The following TAS2R1 variants were observed in gnomAD, a reference collection of about 807,000 sequenced individuals.
TAS2R1 encodes taste receptor type 2 member 1.
For missense variants in TAS2R1, 370 were observed against 353.4 expected (o/e 1.05, Z -0.38); for synonymous variants, 141 against 134.2 (o/e 1.05, Z -0.35).
chr5:9,840,923 G>C, the TAS2R1 span, among the ~76,000 whole-genome samples: 2 of 140,192 alleles, frequency 1.4e-5, no homozygotes, highest in Non-Finnish European at 1.5e-5. Flanking sequence ...TCACCCAGCT[G>C]GAGTGCAGTG....
chr5:9,740,441 G>A, the TAS2R1 span, among the ~76,000 whole-genome samples: 440 of 152,270 alleles, frequency 2.9e-3, 4 homozygotes, highest in Middle Eastern at 0.014. Flanking sequence ...TCAATGAAAT[G>A]AATAAAAGGC....
At chr5:9,870,972 T>C in the TAS2R1 span, among the ~76,000 whole-genome samples, 1 of 152,284 alleles carries the variant, frequency 6.6e-6, no homozygotes, top group Admixed American at 6.5e-5. Context: ...ACCAGAAGAA[T>C]ATAAGAGATT....
chr5:9,874,030 GAGAA>G, the TAS2R1 span, among the ~76,000 whole-genome samples: 13 of 151,326 alleles, frequency 8.6e-5, no homozygotes, highest in Middle Eastern at 3.4e-3. Flanking sequence ...GAGGGAGGAA[GAGAA>G]AGAAAGAAAG....
the TAS2R1 span, among the ~76,000 whole-genome samples, chr5:9,853,034 G>T: frequency 3.3e-5 from 5 of 152,284 alleles, no homozygotes; most frequent in East Asian, 9.6e-4. Context: ...GGAGAGCAGT[G>T]GGGAGGTAGG....
chr5:9,735,866 A>G, the TAS2R1 span, among the ~76,000 whole-genome samples: 1 of 152,234 alleles, frequency 6.6e-6, no homozygotes, highest in East Asian at 1.9e-4. Context: ...ATAGAAACCT[A>G]TAACAATCAT....
chr5:9,755,189 A>C, the TAS2R1 span, among the ~76,000 whole-genome samples: 1 of 152,190 alleles, frequency 6.6e-6, no homozygotes, highest in Non-Finnish European at 1.5e-5. Context: ...TTACCAGAAA[A>C]GAGTCCCGAT....
rs922470670 is a variant in TAS2R1, at chr5:9,627,571, C to T, written c.*1562G>A. On this transcript the variant is annotated 3_prime_UTR_variant, in exon 1 of 1. Transcript: ENST00000382492. ...GAAATTGCTCCCACTCTTTCAGGTA[C>T]ACGTATCACAGATTCAAGGAACAGA... Among the ~76,000 whole-genome samples the T allele has an allele frequency of 1.3e-5, 2 of 152,150 alleles. No homozygotes were observed. The highest frequency in any genetic ancestry group is 2.4e-5 in the African/African-American group (1 of 41,418).
chr5:9,661,724 T>C (rs2126495953), intron 1 of TAS2R1, among the ~76,000 whole-genome samples: 1 of 152,350 alleles, frequency 6.6e-6, no homozygotes, highest in African/African-American at 2.4e-5. Context: ...TCACATTCCT[T>C]ATCTAGCCTG....
the TAS2R1 span, among the ~76,000 whole-genome samples, chr5:9,840,285 T>C: frequency 4.6e-5 from 7 of 152,192 alleles, no homozygotes; most frequent in Non-Finnish European, 5.9e-5. Context: ...ACTTCTGGGA[T>C]TCACATTAAC....
chr5:9,777,973 C>T, the TAS2R1 span, among the ~76,000 whole-genome samples: 23 of 151,116 alleles, frequency 1.5e-4, no homozygotes, highest in African/African-American at 4.1e-4. Context: ...CTCCGCTTCC[C>T]GGGTTCACGC....
chr5:9,683,480 C>T (rs1741067103), intron 1 of TAS2R1, among the ~76,000 whole-genome samples: 1 of 152,154 alleles, frequency 6.6e-6, no homozygotes, highest in African/African-American at 2.4e-5. Context: ...AGTGGCTTTA[C>T]CCGTAAGCCT....
In TAS2R1 at chr5:9,629,167, T is replaced by C; in HGVS notation, c.866A>G (p.Lys289Arg). Residue 289 changes from lysine (K) to arginine (R), a missense_variant, in exon 1 of 1, where the codon AAA becomes AGA. Transcript: ENST00000382492. ...LGNPKLKQNAKKFLLHSKCCQ is the reference protein window; with the variant it reads ...LGNPKLKQNARKFLLHSKCCQ ...GCACTTACTGTGGAGGAGGAACTTT[T>C]TTGCATTTTGTTTCAATTTAGGATT... 6.3e-7 allele frequency: 1 copy of C among 1,584,098 alleles called. No individual in the cohort carries two copies. Among genetic ancestry groups the C allele is most frequent in the Non-Finnish European group, 8.6e-7 (1 of 1,167,322 alleles).
the TAS2R1 span, among the ~76,000 whole-genome samples, chr5:9,781,233 T>C: frequency 5.6e-4 from 85 of 152,342 alleles, no homozygotes; most frequent in Non-Finnish European, 1.2e-3. Flanking sequence ...TGCAGACTTT[T>C]TGCTCTCATT....
the TAS2R1 span, among the ~76,000 whole-genome samples, chr5:9,808,286 A>T: frequency 1.3e-5 from 2 of 152,210 alleles, no homozygotes; most frequent in Non-Finnish European, 2.9e-5. Context: ...AAGTAAAGGT[A>T]ATCCCTATTA....
At chr5:9,851,468 T>C in the TAS2R1 span, among the ~76,000 whole-genome samples, 4 of 152,086 alleles carry the variant, frequency 2.6e-5, no homozygotes, top group Non-Finnish European at 5.9e-5. Flanking sequence ...AGAACTGCAT[T>C]GATCCACTTG....
the TAS2R1 span, among the ~76,000 whole-genome samples, chr5:9,801,259 G>A: frequency 2.6e-5 from 4 of 152,264 alleles, no homozygotes; most frequent in Admixed American, 1.3e-4. Context: ...ACAGGAAGAG[G>A]GCCATTACCA....
chr5:9,855,206 T>C, the TAS2R1 span, among the ~76,000 whole-genome samples: 1 of 152,230 alleles, frequency 6.6e-6, no homozygotes, highest in Non-Finnish European at 1.5e-5. Context: ...CACTGGCAGA[T>C]GCCCTTATGG....
chr5:9,773,183 G>GT, the TAS2R1 span, among the ~76,000 whole-genome samples: 7 of 151,554 alleles, frequency 4.6e-5, no homozygotes, highest in African/African-American at 1.7e-4. Flanking sequence ...TCTGTCATAT[G>GT]TTTTTTGATT....
chr5:9,731,089 G>A, the TAS2R1 span, among the ~76,000 whole-genome samples: 6 of 151,904 alleles, frequency 3.9e-5, no homozygotes, highest in African/African-American at 7.3e-5. Flanking sequence ...AGTGTGTACC[G>A]ACAGGTATGC....
Sources: allele counts gnomAD v4.1 joint callset (sites outside exome capture counted in the v4.1 genomes callset), GRCh38; gene constraint gnomAD v4.1.1; transcripts MANE v1.5; gene names NCBI Gene and HGNC (gene_info 2026-07-23, HGNC 2026-07-21).